Variants in FKBP11 observed in about 807,000 individuals in gnomAD.
FKBP11 encodes FKBP prolyl isomerase 11, also known as peptidyl-prolyl cis-trans isomerase FKBP11.
A neutral mutation model predicts 24.7 loss-of-function variants in FKBP11; 21 were observed. The ratio of observed to expected loss-of-function variants is 0.85; its 90% CI spans 0.60 to 1.23. FKBP11 has a LOEUF of 1.23. Among genes scored for constraint, FKBP11 ranks in the 50% most tolerant of loss-of-function variants. FKBP11 has a pLI of 0.00. For synonymous variants in FKBP11, 106 were observed against 100.6 expected (o/e 1.05, Z -0.32); for missense variants, 245 against 248.7 (o/e 0.99, Z 0.10).
chr12:48,934,770 T>C, the FKBP11 span, among the ~76,000 whole-genome samples: 3 of 151,846 alleles, frequency 2.0e-5, no homozygotes, highest in African/African-American at 4.8e-5. Context: ...TCCTAGCACT[T>C]TGGGAGGCTG....
the FKBP11 span, chr12:48,938,022 C>T: frequency 5.7e-6 from 1 of 174,732 alleles, no homozygotes; most frequent in African/African-American, 2.4e-5. Context: ...CCCCACCCCC[C>T]AGTCAAGCTC....
chr12:48,924,967 G>C, intron 2 of FKBP11, 79 bp downstream of exon 2: 1 of 1,508,918 alleles, frequency 6.6e-7, no homozygotes, highest in Non-Finnish European at 8.9e-7. Flanking sequence ...CGCTTGCCAC[G>C]TGTCCAAGCC....
chr12:48,938,748 G>T, the FKBP11 span: 2 of 647,010 alleles, frequency 3.1e-6, no homozygotes, highest in Non-Finnish European at 5.3e-6. Context: ...TCATCATCAG[G>T]ACAGCAATTA....
chr12:48,923,718 G>C, intron 5 of FKBP11, 64 bp downstream of exon 5: 1 of 1,582,110 alleles, frequency 6.3e-7, no homozygotes, highest in Admixed American at 1.7e-5. Context: ...AAAGTATATA[G>C]CTCCTTATAG....
At chr12:48,922,613 C>T (rs1315274860) in intron 5 of FKBP11, 2 of 996,478 alleles carry the variant, frequency 2.0e-6, no homozygotes, top group South Asian at 4.4e-5. Flanking sequence ...AATCAACCAA[C>T]CAATGAGCAC....
In FKBP11 at chr12:48,922,047, A is replaced by G; in HGVS notation, c.543T>C (p.Asn181=). 1 of 1,614,002 alleles carries G rather than the reference A, an allele frequency of 6.2e-7. No homozygotes were observed. The highest frequency in any genetic ancestry group is 8.5e-7 in the Non-Finnish European group (1 of 1,179,930). ...LIGYHLYRKA[N]RPKVSKKKLK... Reference sequence around the variant, plus strand: ...GCTTCTTTTTGGAGACTTTGGGTCTATTGGCCTTTCTGTATAGGTGATACC... The same window carrying G: ...GCTTCTTTTTGGAGACTTTGGGTCTGTTGGCCTTTCTGTATAGGTGATACC... The change falls in exon 6 of 6, where the codon AAT becomes AAC. Residue 181 remains asparagine (N), a synonymous_variant. Coordinates refer to ENST00000550765, the MANE Select transcript of FKBP11 (RefSeq NM_016594.3).
upstream of FKBP11, among the ~76,000 whole-genome samples, chr12:48,931,045 C>T (rs1231358291): frequency 3.5e-5 from 5 of 141,442 alleles, no homozygotes; most frequent in Non-Finnish European, 7.5e-5. Context: ...AGGAGAATGG[C>T]GTGAACCCAG....
chr12:48,926,745 G>C (rs1027534176), upstream of FKBP11, among the ~76,000 whole-genome samples: 1 of 151,264 alleles, frequency 6.6e-6, no homozygotes, highest in African/African-American at 2.4e-5. Flanking sequence ...CACCCACCTC[G>C]GCCTTCCAAA....
At position 48,924,563 on chromosome 12, in the gene FKBP11, G is replaced by A. The variant is rs1939910588; in HGVS notation, c.281C>T (p.Pro94Leu). Residue 94 changes from proline (P) to leucine (L), a missense_variant and splice_region_variant, in exon 3 of 6, where the codon CCA (proline) becomes CTA (leucine). Coordinates refer to ENST00000550765, the MANE Select transcript of FKBP11 (RefSeq NM_016594.3). Reference sequence around the variant, plus strand: ...AATGGGAGGCACAGGTCACATACCTGGAATCACCTGCTTTTGGCCAAGTTC... The same window carrying A: ...AATGGGAGGCACAGGTCACATACCTAGAATCACCTGCTTTTGGCCAAGTTC... ...VIELGQKQVI[P>L]GLEQSLLDMC... 6.2e-7 allele frequency: 1 copy of A among 1,613,384 alleles called. No individual in the cohort carries two copies. Among genetic ancestry groups the A allele is most frequent in the Admixed American group, 1.7e-5 (1 of 59,992 alleles).
At position 48,925,466 on chromosome 12, in the gene FKBP11, G is replaced by C. The variant is rs745468649; in HGVS notation, c.-38C>G. On this transcript the variant is annotated 5_prime_UTR_variant, in exon 1 of 6. Transcript: ENST00000550765. Reference sequence around the variant, plus strand: ...GGCAGGGAGCCGGGGCACCAGGACAGGCTGTTCGGGTGGCGGCAGCCAGGA... The same window carrying C: ...GGCAGGGAGCCGGGGCACCAGGACACGCTGTTCGGGTGGCGGCAGCCAGGA... 8.5e-6 allele frequency: 13 copies of C among 1,534,942 alleles called. No homozygotes were observed. In the East Asian group the frequency reaches 3.2e-4, roughly 37 times the overall value.
At chr12:48,931,497 G>A in the FKBP11 span, 5 of 1,531,050 alleles carry the variant, frequency 3.3e-6, no homozygotes, top group Non-Finnish European at 4.4e-6. Flanking sequence ...AAACAACAGA[G>A]AAAGGTGAGA....
upstream of FKBP11, among the ~76,000 whole-genome samples, chr12:48,926,902 C>T (rs774830088): frequency 1.3e-5 from 2 of 152,134 alleles, no homozygotes; most frequent in South Asian, 2.1e-4. Context: ...CTCCACCTCC[C>T]GGGTTCAAGC....
At chr12:48,925,753 C>T (rs1056708072), upstream of FKBP11, 7 of 352,592 alleles carry the variant, frequency 2.0e-5, no homozygotes, top group Non-Finnish European at 3.2e-5. Context: ...AGTCTCTAAT[C>T]CTCAAAACCA....
At chr12:48,931,206 C>T (rs1204217006), upstream of FKBP11, among the ~76,000 whole-genome samples, 1 of 135,498 alleles carries the variant, frequency 7.4e-6, no homozygotes, top group African/African-American at 2.7e-5. Context: ...AGTGGGAACA[C>T]ATTGCAAGTT....
chr12:48,922,185 C>T lies in FKBP11; in HGVS notation c.405G>A (p.Gln135=). 1 of 1,612,796 alleles carries T rather than the reference C, an allele frequency of 6.2e-7. No homozygotes were observed. The highest frequency in any genetic ancestry group is 2.2e-5 in the East Asian group (1 of 44,840). ...TTAGTGCAATCAGCTCCACGTCATA[C>T]TGCACCACTGCATCCGCTGGAGAGG... ...PPSVPADAVV[Q]YDVELIALIR... is the part of the protein sequence containing the mutation. Residue 135 remains glutamine, a synonymous_variant, in exon 6 of 6, where the codon CAG becomes CAA. Coordinates refer to ENST00000550765, the MANE Select transcript of FKBP11 (RefSeq NM_016594.3).
chr12:48,925,237 C>A, intron 1 of FKBP11, 63 bp downstream of exon 1: 1 of 1,594,726 alleles, frequency 6.3e-7, no homozygotes, highest in Non-Finnish European at 8.6e-7. Flanking sequence ...TCGCTGAGAC[C>A]CCAGTATTAC....
chr12:48,935,571 A>G, the FKBP11 span, among the ~76,000 whole-genome samples: 1 of 152,054 alleles, frequency 6.6e-6, no homozygotes, highest in African/African-American at 2.4e-5. Context: ...CGATGGGAGG[A>G]TGGAGGCTTT....
chr12:48,927,402 T>C (rs1939992536), upstream of FKBP11, among the ~76,000 whole-genome samples: 1 of 152,200 alleles, frequency 6.6e-6, no homozygotes, highest in African/African-American at 2.4e-5. Context: ...TGAAATGCTC[T>C]ATATTTTCAG....
At chr12:48,923,367 T>G (rs1306789278) in intron 5 of FKBP11, 46 of 1,443,118 alleles carry the variant, frequency 3.2e-5, no homozygotes, top group Non-Finnish European at 4.1e-5. Context: ...TTTGAATCAC[T>G]TGACTGTGAT....
Sources: allele counts gnomAD v4.1 joint callset (sites outside exome capture counted in the v4.1 genomes callset), GRCh38; gene constraint gnomAD v4.1.1; transcripts MANE v1.5; gene names NCBI Gene and HGNC (gene_info 2026-07-23, HGNC 2026-07-21).